The following GLP2R variants were observed in gnomAD, a reference collection of about 807,000 sequenced individuals.
GLP2R encodes glucagon like peptide 2 receptor, also known as glucagon-like peptide 2 receptor.
GLP2R carries 59 observed loss-of-function variants against 68.2 expected under a neutral mutation model. The ratio of observed to expected loss-of-function variants is 0.87; its 90% CI spans 0.70 to 1.07. The LOEUF is 1.07. Ranked by LOEUF, GLP2R falls within the 50% of genes least tolerant of loss-of-function variation. The pLI is 0.00. For missense variants in GLP2R, 548 were observed against 677.4 expected (o/e 0.81, Z 2.12); for synonymous variants, 270 against 265.4 (o/e 1.02, Z -0.17).
chr17:9,829,935 G>A (rs79295230), intron 1 of GLP2R, among the ~76,000 whole-genome samples: 7 of 152,216 alleles, frequency 4.6e-5, no homozygotes, highest in African/African-American at 9.6e-5. Context: ...ATCCCTTCTC[G>A]GCCAAGTTCG....
intron 10 of GLP2R, among the ~76,000 whole-genome samples, chr17:9,880,090 G>A (rs1254630587): frequency 3.3e-5 from 5 of 152,192 alleles, no homozygotes; most frequent in Non-Finnish European, 5.9e-5. Context: ...CTATCCATCA[G>A]GCAAAACTTT....
chr17:9,849,494 GA>G (rs987611174), intron 4 of GLP2R, among the ~76,000 whole-genome samples: 8 of 151,066 alleles, frequency 5.3e-5, no homozygotes, highest in Non-Finnish European at 1.5e-5. Flanking sequence ...TTCTGCCCTA[GA>G]AATATTTCTC....
In GLP2R at chr17:9,890,135, A is replaced by C. The variant is rs534132626; in HGVS notation, c.*430A>C. ...GGAAGCTTTTAAAATGCAGAATCCT[A>C]GACTTGTGGCTAAGATTCTAAGACA... On this transcript the variant is annotated 3_prime_UTR_variant, in exon 13 of 13. Coordinates refer to ENST00000262441, the MANE Select transcript of GLP2R (RefSeq NM_004246.3). 99 of 446,092 alleles carry C rather than the reference A, an allele frequency of 2.2e-4. No homozygotes were observed. Among genetic ancestry groups the C allele is most frequent in the African/African-American group, 1.9e-3 (92 of 49,478 alleles). The allele number at this position is 446,092 out of a possible 1,614,324, so 27.6% of individuals were successfully genotyped here. A position where few individuals can be genotyped will look rare whatever the true frequency, so the allele number is the denominator to read the frequency against.
Position 9,859,011 on chromosome 17 carries a change from T to G in GLP2R, c.766-931T>G, listed in dbSNP as rs1310137028. On this transcript the variant is annotated intron_variant, in intron 6 of 12. Transcript: ENST00000262441. The stretch of plus-strand genomic sequence containing the variant: ...TCCTCCCATGTACTTTCTTTGGGCT[T>G]AATTTGCTATTCTTTTTCTAACTTT... Among the ~76,000 whole-genome samples, 3 of 152,194 alleles carry G rather than the reference T, an allele frequency of 2.0e-5. No homozygotes were observed. In the East Asian group the frequency reaches 5.8e-4, roughly 29 times the overall value.
intron 9 of GLP2R, among the ~76,000 whole-genome samples, chr17:9,864,490 G>T (rs760437577): frequency 0.037 from 3,217 of 86,116 alleles, 108 homozygotes; most frequent in African/African-American, 0.11. Flanking sequence ...CTGTTTTTTT[G>T]TTTGTTTGTT....
At chr17:9,846,355 C>T (rs1205655394) in intron 4 of GLP2R, among the ~76,000 whole-genome samples, 1 of 152,162 alleles carries the variant, frequency 6.6e-6, no homozygotes, top group Admixed American at 6.5e-5. Context: ...GTAGCTCAGG[C>T]CTGTAATCCC....
rs1020645359 is a variant in GLP2R at position 9,881,670 on chromosome 17, G to A, written c.1284+1154G>A. 1.0e-4 allele frequency among the ~76,000 whole-genome samples: 14 copies of A among 135,598 alleles called. 2 individuals are homozygous for A. Among genetic ancestry groups the A allele is most frequent in the South Asian group, 2.1e-4 (1 of 4,816 alleles). The allele number at this position is 135,598 out of a possible 152,430, so 89.0% of individuals were successfully genotyped here. A position where few individuals can be genotyped will look rare whatever the true frequency, so the allele number is the denominator to read the frequency against. On this transcript the variant is annotated intron_variant, in intron 11 of 12. Transcript: ENST00000262441. ...GCTGGGATTACAGGCGTGAGCCACC[G>A]CTCCCCTGCCAGGCCTTTTAAATGC...
Position 9,891,194 on chromosome 17 carries a change from A to G in GLP2R, c.*1489A>G, listed in dbSNP as rs1373733531. On this transcript the variant is annotated 3_prime_UTR_variant, in exon 13 of 13. Transcript: ENST00000262441. ...TAGTCTTCTTGTATAAGTATATCCC[A>G]TGGGCATATTTAATCTGAGATTGGA... is the stretch of plus-strand genomic sequence containing the variant. The G allele has an allele frequency of 6.6e-6, 1 of 152,192 alleles. No homozygotes were observed. The highest frequency in any genetic ancestry group is 1.5e-5 in the Non-Finnish European group (1 of 68,034). The allele number at this position is 152,192 out of a possible 1,614,324, so 9.4% of individuals were successfully genotyped here. A position where few individuals can be genotyped will look rare whatever the true frequency, so the allele number is the denominator to read the frequency against.
At position 9,891,374 on chromosome 17, in the gene GLP2R, A is replaced by G. The variant is rs1187723062; in HGVS notation, c.*1669A>G. The G allele has an allele frequency of 6.6e-6, 1 of 152,264 alleles. No individual in the cohort carries two copies. Among genetic ancestry groups the G allele is most frequent in the African/African-American group, 2.4e-5 (1 of 41,466 alleles). The allele number at this position is 152,264 out of a possible 1,614,324, so 9.4% of individuals were successfully genotyped here. A position where few individuals can be genotyped will look rare whatever the true frequency, so the allele number is the denominator to read the frequency against. ...TCATATTTTAATGCAATATTCTAAA[A>G]AAACAAATTAACAAACTACAGCCCA... On this transcript the variant is annotated 3_prime_UTR_variant, in exon 13 of 13. Transcript: ENST00000262441.
chr17:9,863,376 G>A (rs1449832513), intron 9 of GLP2R, among the ~76,000 whole-genome samples: 1 of 152,162 alleles, frequency 6.6e-6, no homozygotes. Flanking sequence ...GCCATTCTTA[G>A]GTTTATTTTA....
Position 9,889,759 on chromosome 17 carries a change from G to A in GLP2R, c.*54G>A. On this transcript the variant is annotated 3_prime_UTR_variant, in exon 13 of 13. Coordinates refer to ENST00000262441, the MANE Select transcript of GLP2R (RefSeq NM_004246.3). ...CCCAGGGACTCTTGAGGGGGCCCAG[G>A]AAGAGGAAGCAAAGCAGGACACACG... 2 of 1,164,420 alleles carry A rather than the reference G, an allele frequency of 1.7e-6. No individual in the cohort carries two copies. Among genetic ancestry groups the A allele is most frequent in the Non-Finnish European group, 2.4e-6 (2 of 831,428 alleles). 72.1% of individuals were successfully genotyped at this position (1,164,420 alleles called of 1,614,324 possible).
intron 9 of GLP2R, among the ~76,000 whole-genome samples, chr17:9,863,540 C>T (rs1043499675): frequency 6.6e-6 from 1 of 152,176 alleles, no homozygotes; most frequent in African/African-American, 2.4e-5. Context: ...GCCTCCAGCC[C>T]CCACGCCTGC....
At chr17:9,886,726 G>A (rs148128328) in intron 11 of GLP2R, among the ~76,000 whole-genome samples, 1 of 152,208 alleles carries the variant, frequency 6.6e-6, no homozygotes, top group Non-Finnish European at 1.5e-5. Context: ...GGAGATCCTG[G>A]TCTGGCTCCA....
chr17:9,847,435 A>T (rs1008339357), intron 4 of GLP2R, among the ~76,000 whole-genome samples: 8 of 151,698 alleles, frequency 5.3e-5, no homozygotes, highest in Non-Finnish European at 1.2e-4. Context: ...ACACCCGGCA[A>T]TGTTTTGTAT....
chr17:9,827,958 CTCAAAAAAAAAAAA>C (rs1236475029), intron 1 of GLP2R, among the ~76,000 whole-genome samples: 18 of 108,764 alleles, frequency 1.7e-4, no homozygotes, highest in Non-Finnish European at 8.2e-5. Flanking sequence ...GAGGATCTGT[CTCAAAAAAAAAAAA>C]AAAAAAAAGG....
At chr17:9,854,146 G>T (rs2066915125) in intron 4 of GLP2R, among the ~76,000 whole-genome samples, 1 of 152,202 alleles carries the variant, frequency 6.6e-6, no homozygotes, top group Non-Finnish European at 1.5e-5. Flanking sequence ...TAGGGACAGT[G>T]CTCCCAAGGG....
intron 5 of GLP2R, among the ~76,000 whole-genome samples, chr17:9,855,866 C>T (rs2066930167): frequency 6.6e-6 from 1 of 152,206 alleles, no homozygotes; most frequent in Admixed American, 6.5e-5. Flanking sequence ...GTGCCTTTTA[C>T]TAAATCATGC....
intron 10 of GLP2R, among the ~76,000 whole-genome samples, chr17:9,878,247 C>T (rs560526047): frequency 2.0e-5 from 3 of 152,156 alleles, no homozygotes; most frequent in African/African-American, 4.8e-5. Flanking sequence ...AGAATTTGAG[C>T]CCAGTGTTGC....
chr17:9,848,015 C>T (rs2066857401), intron 4 of GLP2R, among the ~76,000 whole-genome samples: 2 of 152,224 alleles, frequency 1.3e-5, no homozygotes, highest in African/African-American at 4.8e-5. Flanking sequence ...GAACCTTCAA[C>T]TGGATACTCC....
Sources: gnomAD v4.1 joint callset for allele counts (sites outside exome capture counted in the v4.1 genomes callset) on GRCh38, gnomAD v4.1.1 for gene constraint, MANE v1.5 for transcripts, NCBI Gene and HGNC (gene_info 2026-07-23, HGNC 2026-07-21) for gene names.